The following IL1RAPL1 variants were observed in gnomAD, a reference collection of about 807,000 sequenced individuals.
The protein encoded by IL1RAPL1 is interleukin 1 receptor accessory protein like 1.
Under a neutral mutation model 48.4 loss-of-function variants are expected in IL1RAPL1, and 3 were observed. The ratio of observed to expected loss-of-function variants is 0.06; its 90% CI spans 0.03 to 0.16. IL1RAPL1 has a LOEUF of 0.16. Among genes scored for constraint, IL1RAPL1 ranks in the 10% least tolerant of loss-of-function variants. IL1RAPL1 has a pLI of 1.00. For synonymous variants in IL1RAPL1, 185 were observed against 187.7 expected, an observed-to-expected ratio of 0.99 and a Z score of 0.12; for missense variants, 349 against 530.6, an observed-to-expected ratio of 0.66 and a Z score of 3.36.
In IL1RAPL1 at chrX:29,025,844, G is replaced by T. The variant is rs1398444545; in HGVS notation, c.82+236419G>T. Among the ~76,000 whole-genome samples the T allele has an allele frequency of 4.5e-5, 5 of 111,442 alleles. No individual in the cohort carries two copies. The Admixed American group carries it at 4.8e-4, about 11-fold the overall frequency. On this transcript the variant is annotated intron_variant, in intron 2 of 10. Coordinates refer to ENST00000378993, the MANE Select transcript of IL1RAPL1 (RefSeq NM_014271.4). Reference sequence around the variant, plus strand: ...GGAATAATAGCGATGTGTTGTGTTTGCCTGTCTCTTTACAGAGATGCTTAT... The same window carrying T: ...GGAATAATAGCGATGTGTTGTGTTTTCCTGTCTCTTTACAGAGATGCTTAT...
At chrX:29,491,323 C>A (rs1423856134) in intron 5 of IL1RAPL1, among the ~76,000 whole-genome samples, 5 of 112,220 alleles carry the variant, frequency 4.5e-5, no homozygotes, top group Non-Finnish European at 9.4e-5. Context: ...AAAACTTATT[C>A]CTCACTTAAG....
At chrX:28,978,493 A>G (rs369540155) in intron 2 of IL1RAPL1, among the ~76,000 whole-genome samples, 2 of 112,176 alleles carry the variant, frequency 1.8e-5, no homozygotes, top group East Asian at 5.6e-4. Flanking sequence ...AGAGCATTTA[A>G]AAATTCCAAA....
chrX:29,299,071 C>A (rs1405489258), intron 3 of IL1RAPL1, among the ~76,000 whole-genome samples: 1 of 108,476 alleles, frequency 9.2e-6, no homozygotes, highest in African/African-American at 3.4e-5. Flanking sequence ...AAAAAAAAAA[C>A]ACGTGAAAGG....
chrX:29,562,761 A>G (rs1218599046), intron 5 of IL1RAPL1, among the ~76,000 whole-genome samples: 1 of 112,177 alleles, frequency 8.9e-6, no homozygotes, highest in Non-Finnish European at 1.9e-5. Context: ...TTCCATCACT[A>G]AATCTCTCAC....
At chrX:28,994,911 T>C (rs1354727750) in intron 2 of IL1RAPL1, among the ~76,000 whole-genome samples, 4 of 111,957 alleles carry the variant, frequency 3.6e-5, no homozygotes, top group African/African-American at 1.3e-4. Flanking sequence ...GCAGTACTTA[T>C]TTTTACAAAA....
intron 2 of IL1RAPL1, among the ~76,000 whole-genome samples, chrX:28,911,088 C>T (rs1018211116): frequency 3.6e-5 from 4 of 110,631 alleles, no homozygotes; most frequent in Non-Finnish European, 5.7e-5. Flanking sequence ...AATTAGATGA[C>T]GAATATTTGA....
At chrX:28,643,999 A>G (rs1934578902) in intron 1 of IL1RAPL1, among the ~76,000 whole-genome samples, 2 of 112,009 alleles carry the variant, frequency 1.8e-5, no homozygotes, top group African/African-American at 6.5e-5. Context: ...CCTATTATGG[A>G]AAATAGGGAT....
intron 2 of IL1RAPL1, among the ~76,000 whole-genome samples, chrX:29,121,096 T>C (rs1161602744): frequency 1.8e-5 from 2 of 111,771 alleles, no homozygotes; most frequent in Non-Finnish European, 3.8e-5. Flanking sequence ...CTCAACTCGA[T>C]AAAGAACATC....
intron 2 of IL1RAPL1, among the ~76,000 whole-genome samples, chrX:29,068,547 T>A (rs781739852): frequency 8.9e-6 from 1 of 112,552 alleles, no homozygotes; most frequent in African/African-American, 3.2e-5. Flanking sequence ...TGAGATTGAT[T>A]ATATAACCTA....
chrX:28,862,502 G>A (rs993069035), intron 2 of IL1RAPL1, among the ~76,000 whole-genome samples: 1 of 111,512 alleles, frequency 9.0e-6, no homozygotes, highest in African/African-American at 3.3e-5. Flanking sequence ...AGTATTTACC[G>A]TGTTAATGAA....
intron 5 of IL1RAPL1, among the ~76,000 whole-genome samples, chrX:29,561,331 C>T (rs931933690): frequency 3.6e-5 from 4 of 112,308 alleles, no homozygotes; most frequent in Non-Finnish European, 7.5e-5. Flanking sequence ...CTTGGAGACA[C>T]ATACGAGAAA....
At chrX:28,944,385 A>G (rs774908285) in intron 2 of IL1RAPL1, among the ~76,000 whole-genome samples, 1 of 110,717 alleles carries the variant, frequency 9.0e-6, no homozygotes, top group African/African-American at 3.3e-5. Flanking sequence ...TGCTCTCCCC[A>G]CACCATTTTT....
At chrX:29,878,584 G>T (rs988050292) in intron 6 of IL1RAPL1, among the ~76,000 whole-genome samples, 1 of 111,685 alleles carries the variant, frequency 9.0e-6, no homozygotes, top group Non-Finnish European at 1.9e-5. Context: ...TTCAGATGTG[G>T]TCAAGACAAA....
At chrX:29,538,582 C>A (rs1325814022) in intron 5 of IL1RAPL1, among the ~76,000 whole-genome samples, 2 of 108,394 alleles carry the variant, frequency 1.8e-5, no homozygotes, top group Admixed American at 9.9e-5. Flanking sequence ...AGGTGATACA[C>A]CCACCTCGGC....
chrX:29,552,802 CTTTTTTTTTTT>C (rs765234944), intron 5 of IL1RAPL1, among the ~76,000 whole-genome samples: 3 of 22,988 alleles, frequency 1.3e-4, no homozygotes, highest in African/African-American at 5.3e-4. Context: ...TTTCACTCTC[CTTTTTTTTTTT>C]TTTTTTTTTT....
chrX:29,035,247 T>C (rs942289432), intron 2 of IL1RAPL1, among the ~76,000 whole-genome samples: 6 of 111,081 alleles, frequency 5.4e-5, no homozygotes. Context: ...GATTATCAAT[T>C]TGCCTTTCCA....
intron 3 of IL1RAPL1, among the ~76,000 whole-genome samples, chrX:29,372,276 G>GT (rs1470012504): frequency 8.9e-6 from 1 of 111,742 alleles, no homozygotes; most frequent in Non-Finnish European, 1.9e-5. Flanking sequence ...TGAGTTATTT[G>GT]TTTTTTGCCT....
chrX:29,506,939 G>A (rs991847757), intron 5 of IL1RAPL1, among the ~76,000 whole-genome samples: 9 of 110,782 alleles, frequency 8.1e-5, no homozygotes, highest in African/African-American at 3.0e-4. Context: ...ACCATGAGTT[G>A]TGGGGACATT....
At chrX:29,913,967 C>T (rs1246041894) in intron 6 of IL1RAPL1, among the ~76,000 whole-genome samples, 4 of 112,105 alleles carry the variant, frequency 3.6e-5, no homozygotes, top group African/African-American at 6.5e-5. Flanking sequence ...GGCTTTTTCT[C>T]ACTCATGCTC....
Sources: gnomAD v4.1 joint callset for allele counts (sites outside exome capture counted in the v4.1 genomes callset) on GRCh38, gnomAD v4.1.1 for gene constraint, MANE v1.5 for transcripts, NCBI Gene and HGNC (gene_info 2026-07-23, HGNC 2026-07-21) for gene names.